Variants in TBC1D9 observed in about 807,000 individuals in gnomAD.
TBC1D9 encodes the protein TBC1 domain family member 9A.
Under a neutral mutation model 132.0 loss-of-function variants are expected in TBC1D9, and 63 were observed. The observed-to-expected ratio is 0.48, with a 90% CI of 0.39 to 0.59. The LOEUF (loss-of-function observed/expected upper bound fraction) is 0.59. TBC1D9 is among the 20% of genes least tolerant of loss of function. The probability of loss-of-function intolerance (pLI) is 0.00; values close to 1 mark genes in which losing one functional copy is unlikely to be tolerated. For missense variants in TBC1D9, 1,261 were observed against 1,592.7 expected (o/e 0.79, Z 3.54); for synonymous variants, 610 against 609.9 (o/e 1.00, Z 0.00).
At chr4:140,660,404 C>T (rs576675219) in intron 10 of TBC1D9, among the ~76,000 whole-genome samples, 146 of 152,298 alleles carry the variant, frequency 9.6e-4, no homozygotes, top group African/African-American at 3.2e-3. Flanking sequence ...TCCTGTACTT[C>T]TTTTGATCTC....
intron 2 of TBC1D9, among the ~76,000 whole-genome samples, chr4:140,687,356 AT>A (rs1342074716): frequency 1.2e-5 from 1 of 81,896 alleles, no homozygotes; most frequent in Admixed American, 1.3e-4. Flanking sequence ...ATATATATAT[AT>A]ATATATATAT....
At chr4:140,736,794 G>C (rs921653607) in intron 1 of TBC1D9, among the ~76,000 whole-genome samples, 1 of 152,192 alleles carries the variant, frequency 6.6e-6, no homozygotes, top group Non-Finnish European at 1.5e-5. Context: ...TAGGCTGAGA[G>C]CTGAATTGTA....
chr4:140,670,827 C>T lies in TBC1D9; in HGVS notation c.1159G>A (p.Asp387Asn). 6.2e-7 allele frequency: 1 copy of T among 1,614,048 alleles called. No individual in the cohort carries two copies. Among genetic ancestry groups the T allele is most frequent in the Non-Finnish European group, 8.5e-7 (1 of 1,179,896 alleles). Residue 387 changes from aspartate (D) to asparagine (N), a missense_variant, in exon 7 of 21, where the codon GAT becomes AAT. Physicochemically the swap from Asp to Asn is conservative, Grantham distance 23 (BLOSUM62 1). This residue lies in a region of TBC1D9 where 550 missense variants were observed against 699.0 expected (regional missense o/e 0.79). Coordinates refer to ENST00000442267, the MANE Select transcript of TBC1D9 (RefSeq NM_015130.3). ...ATCCTCTGCACTAGAAAGTCTCTAT[C>T]TTTCAAGTTGGCAAATAGGAAGGTC... ...RMTFLFANLKDRDFLVQRISD... is the reference protein window; with the variant it reads ...RMTFLFANLKNRDFLVQRISD...
chr4:140,699,404 A>T (rs1255254082), intron 2 of TBC1D9, among the ~76,000 whole-genome samples: 2 of 152,216 alleles, frequency 1.3e-5, no homozygotes, highest in East Asian at 3.8e-4. Flanking sequence ...ACAAACCTAA[A>T]AAAACACTAT....
chr4:140,698,234 G>A (rs1738006102), intron 2 of TBC1D9, among the ~76,000 whole-genome samples: 1 of 152,110 alleles, frequency 6.6e-6, no homozygotes, highest in Admixed American at 6.5e-5. Flanking sequence ...TGTCTTCCAG[G>A]AGCCTAGGTT....
At chr4:140,679,288 A>C in intron 4 of TBC1D9, 85 bp from the exon 5 acceptor site, 1 of 1,403,982 alleles carries the variant, frequency 7.1e-7, no homozygotes, top group Non-Finnish European at 9.7e-7. Flanking sequence ...CCACTCCCCC[A>C]TCCCACTGAA....
chr4:140,622,374 C>A lies in TBC1D9; in HGVS notation c.3622G>T (p.Asp1208Tyr). 6.2e-7 allele frequency: 1 copy of A among 1,613,318 alleles called. No individual in the cohort carries two copies. The highest frequency in any genetic ancestry group is 2.2e-5 in the East Asian group (1 of 44,858). Residue 1208 changes from aspartate (D) to tyrosine (Y), a missense_variant, in exon 21 of 21, where the codon GAC becomes TAC. By Grantham distance (160) the Asp-to-Tyr change is radical. This residue lies in a region of TBC1D9 where 618 missense variants were observed against 724.4 expected (regional missense o/e 0.85). Coordinates refer to ENST00000442267, the MANE Select transcript of TBC1D9 (RefSeq NM_015130.3). ...AACTGCTCGAAGGTGATGGCCCAGTCCCGGTCCAGGCTGGTGCTCCGGGGC... is the reference window on the plus strand; with the variant it reads ...AACTGCTCGAAGGTGATGGCCCAGTACCGGTCCAGGCTGGTGCTCCGGGGC... ...ALPRSTSLDRDWAITFEQFLA... is the reference protein window; with the variant it reads ...ALPRSTSLDRYWAITFEQFLA...
chr4:140,709,246 T>TCACACACACA (rs1177824383), intron 1 of TBC1D9, among the ~76,000 whole-genome samples: 20 of 102,374 alleles, frequency 2.0e-4, no homozygotes, highest in African/African-American at 9.1e-4. Context: ...TCTCTCTCTC[T>TCACACACACA]CTCACACACA....
At chr4:140,755,517 C>T (rs990144603) in intron 1 of TBC1D9, among the ~76,000 whole-genome samples, 5 of 152,058 alleles carry the variant, frequency 3.3e-5, no homozygotes, top group Non-Finnish European at 7.3e-5. Flanking sequence ...CCTGCTGTTG[C>T]CAGTAAAGAA....
At chr4:140,646,955 A>G (rs1737111929) in intron 13 of TBC1D9, among the ~76,000 whole-genome samples, 1 of 152,232 alleles carries the variant, frequency 6.6e-6, no homozygotes, top group Non-Finnish European at 1.5e-5. Context: ...ATCATATTTA[A>G]TTCACTATGG....
At chr4:140,699,084 G>C (rs1009430804) in intron 2 of TBC1D9, among the ~76,000 whole-genome samples, 5 of 152,130 alleles carry the variant, frequency 3.3e-5, no homozygotes, top group Non-Finnish European at 7.4e-5. Flanking sequence ...TTTTAAAAAT[G>C]AATGAAGTCA....
At chr4:140,657,035 A>AG in intron 13 of TBC1D9, 62 bp downstream of exon 13, 1 of 1,578,316 alleles carries the variant, frequency 6.3e-7, no homozygotes, top group Non-Finnish European at 8.6e-7. Flanking sequence ...AGCACAAAAC[A>AG]GGCAGCAGTG....
chr4:140,630,620 C>A (rs1329137661), intron 16 of TBC1D9, among the ~76,000 whole-genome samples: 1 of 152,184 alleles, frequency 6.6e-6, no homozygotes, highest in East Asian at 1.9e-4. Context: ...ACCCAAGAAA[C>A]TCTTGTCTCT....
intron 1 of TBC1D9, among the ~76,000 whole-genome samples, chr4:140,703,350 A>G (rs989248167): frequency 9.9e-5 from 15 of 152,202 alleles, no homozygotes; most frequent in African/African-American, 3.6e-4. Flanking sequence ...GCCATACCAA[A>G]TAAGACCCTG....
intron 13 of TBC1D9, among the ~76,000 whole-genome samples, chr4:140,645,948 C>T (rs1737097456): frequency 6.6e-6 from 1 of 152,204 alleles, no homozygotes; most frequent in African/African-American, 2.4e-5. Flanking sequence ...CAGTATGTCC[C>T]CACCCTTCAC....
Position 140,622,132 on chromosome 4 carries a change from A to C in TBC1D9, c.*63T>G. The C allele has an allele frequency of 6.7e-7, 1 of 1,502,114 alleles. No individual in the cohort carries two copies. The highest frequency in any genetic ancestry group is 8.9e-7 in the Non-Finnish European group (1 of 1,125,536). The allele number at this position is 1,502,114 out of a possible 1,614,324, so 93.0% of individuals were successfully genotyped here. On this transcript the variant is annotated 3_prime_UTR_variant, in exon 21 of 21. Coordinates refer to ENST00000442267, the MANE Select transcript of TBC1D9 (RefSeq NM_015130.3). ...AAAAGAAAGAAAGAAAAAACTCAAC[A>C]CAGAAGAACATAAAAAATCCCTCCC...
chr4:140,670,820 T>C lies in TBC1D9; in HGVS notation c.1166A>G (p.Asp389Gly). ...ATCTGAGATCCTCTGCACTAGAAAG[T>C]CTCTATCTTTCAAGTTGGCAAATAG... ...TFLFANLKDR[D>G]FLVQRISDFL... Residue 389 changes from aspartate (D) to glycine (G), a missense_variant, in exon 7 of 21, where the codon GAC (aspartate) becomes GGC (glycine). Coordinates refer to ENST00000442267, the MANE Select transcript of TBC1D9 (RefSeq NM_015130.3). 6.2e-7 allele frequency: 1 copy of C among 1,613,874 alleles called. No individual in the cohort carries two copies. The highest frequency in any genetic ancestry group is 1.7e-5 in the Admixed American group (1 of 60,030).
At chr4:140,664,944 T>C (rs1270884313) in intron 9 of TBC1D9, among the ~76,000 whole-genome samples, 1 of 151,854 alleles carries the variant, frequency 6.6e-6, no homozygotes, top group African/African-American at 2.4e-5. Flanking sequence ...CCGTGTCTAC[T>C]GAAAATACAA....
intron 10 of TBC1D9, among the ~76,000 whole-genome samples, chr4:140,660,367 A>G (rs1288036686): frequency 3.9e-5 from 6 of 152,238 alleles, no homozygotes; most frequent in Non-Finnish European, 5.9e-5. Flanking sequence ...GTAAATATGA[A>G]CTTTATCATA....
Sources: gnomAD v4.1 joint callset for allele counts (sites outside exome capture counted in the v4.1 genomes callset) on GRCh38, gnomAD v4.1.1 for gene constraint, gnomAD v4.1.1 regional missense constraint, MANE v1.5 for transcripts, NCBI Gene and HGNC (gene_info 2026-07-23, HGNC 2026-07-21) for gene names.